The following RUNX2 variants were observed in gnomAD, a reference collection of about 807,000 sequenced individuals.
RUNX2 encodes runt-related transcription factor 2.
A neutral mutation model predicts 51.7 loss-of-function variants in RUNX2; 10 were observed. That is an observed-to-expected ratio of 0.19 (90% CI 0.12 to 0.33). RUNX2 has a LOEUF of 0.33. Ranked by LOEUF, RUNX2 falls within the 10% of genes least tolerant of loss-of-function variation. The pLI is 1.00. For synonymous variants in RUNX2, 276 were observed against 273.6 expected, an observed-to-expected ratio of 1.01 and a Z score of -0.09; for missense variants, 562 against 691.3, an observed-to-expected ratio of 0.81 and a Z score of 2.10.
intron 2 of RUNX2, among the ~76,000 whole-genome samples, chr6:45,374,684 C>A (rs1796527445): frequency 6.6e-6 from 1 of 152,104 alleles, no homozygotes; most frequent in African/African-American, 2.4e-5. Context: ...GTTATTTCAA[C>A]ACAAATACTC....
In RUNX2 at chr6:45,346,086, T is replaced by C. The variant is rs117268147; in HGVS notation, c.58+17302T>C. 1.2e-4 allele frequency among the ~76,000 whole-genome samples: 18 copies of C among 152,268 alleles called. No individual in the cohort carries two copies. In the East Asian group the frequency reaches 3.1e-3, roughly 26 times the overall value. ...TTTTCACTGGCTTTCATCCTCCAAA[T>C]TGAAAACTCTCTGATCCACCTCCAT... On this transcript the variant is annotated intron_variant, in intron 2 of 8. Transcript: ENST00000647337.
At chr6:45,527,345 T>C (rs114467971) in intron 7 of RUNX2, among the ~76,000 whole-genome samples, 2,323 of 152,302 alleles carry the variant, frequency 0.015, 33 homozygotes, top group Non-Finnish European at 0.021. Flanking sequence ...GGTCTTGATA[T>C]ACACTGATTT....
At chr6:45,407,222 G>A (rs1452486313) in intron 2 of RUNX2, among the ~76,000 whole-genome samples, 1 of 151,942 alleles carries the variant, frequency 6.6e-6, no homozygotes, top group East Asian at 1.9e-4. Flanking sequence ...TCCCACCTCA[G>A]CTTCCCAAGT....
intron 5 of RUNX2, among the ~76,000 whole-genome samples, chr6:45,453,629 C>A (rs1156762893): frequency 1.3e-5 from 2 of 152,212 alleles, no homozygotes; most frequent in Non-Finnish European, 2.9e-5. Context: ...AGGCTGGACA[C>A]ATGGCCATGA....
At chr6:45,482,185 A>C (rs1220980483) in intron 5 of RUNX2, among the ~76,000 whole-genome samples, 1 of 152,200 alleles carries the variant, frequency 6.6e-6, no homozygotes, top group Admixed American at 6.5e-5. Flanking sequence ...TGATGCTTTC[A>C]TCCAATCTTT....
At chr6:45,454,300 G>T (rs1799259941) in intron 5 of RUNX2, among the ~76,000 whole-genome samples, 1 of 152,178 alleles carries the variant, frequency 6.6e-6, no homozygotes, top group African/African-American at 2.4e-5. Flanking sequence ...TTATTCTCTT[G>T]TTAGGAAAAC....
At chr6:45,378,062 C>A (rs1308432554) in intron 2 of RUNX2, 2 of 152,112 alleles carry the variant, frequency 1.3e-5, no homozygotes, top group African/African-American at 2.4e-5. Context: ...GCGCGCTTGG[C>A]CAGGTGGCGC....
chr6:45,392,246 T>C (rs1259462176), intron 2 of RUNX2, among the ~76,000 whole-genome samples: 1 of 152,238 alleles, frequency 6.6e-6, no homozygotes, highest in East Asian at 1.9e-4. Flanking sequence ...GGCTCATGCC[T>C]GTAATCCCAG....
At chr6:45,399,113 A>C (rs995782194) in intron 2 of RUNX2, among the ~76,000 whole-genome samples, 2 of 152,078 alleles carry the variant, frequency 1.3e-5, no homozygotes, top group Non-Finnish European at 2.9e-5. Context: ...TATTCACATA[A>C]GTTTCTCTCC....
At position 45,547,096 on chromosome 6, in the gene RUNX2, T is replaced by A; in HGVS notation, c.1357T>A (p.Ser453Thr). The A allele has an allele frequency of 6.2e-7, 1 of 1,614,090 alleles. No homozygotes were observed. Among genetic ancestry groups the A allele is most frequent in the Non-Finnish European group, 8.5e-7 (1 of 1,180,014 alleles). Reference protein sequence around the residue: ...PYLYYGTSSGSYQFPMVPGGD... With the variant: ...PYLYYGTSSGTYQFPMVPGGD... ...TCTCTACTATGGCACTTCGTCAGGA[T>A]CCTATCAGTTTCCCATGGTGCCGGG... Residue 453 changes from serine to threonine, a missense_variant, in exon 9 of 9, where the codon TCC (serine) becomes ACC (threonine). Ser to Thr is a moderately conservative substitution (Grantham distance 58, BLOSUM62 1). Coordinates refer to ENST00000647337, the MANE Select transcript of RUNX2 (RefSeq NM_001024630.4).
At chr6:45,448,866 T>C (rs1377014798) in intron 5 of RUNX2, among the ~76,000 whole-genome samples, 2 of 152,204 alleles carry the variant, frequency 1.3e-5, no homozygotes, top group East Asian at 3.9e-4. Context: ...TTCAAGGAGA[T>C]GATGAAGGTA....
intron 2 of RUNX2, among the ~76,000 whole-genome samples, chr6:45,386,889 A>G (rs899784308): frequency 6.6e-6 from 1 of 152,194 alleles, no homozygotes; most frequent in Non-Finnish European, 1.5e-5. Context: ...TTATCTAATA[A>G]AAGATGGTGA....
chr6:45,421,170 A>C (rs933330647), intron 2 of RUNX2: 1 of 152,216 alleles, frequency 6.6e-6, no homozygotes, highest in Non-Finnish European at 1.5e-5. Context: ...GAATAGACTT[A>C]ATAAAATATT....
At chr6:45,470,049 A>AT (rs1375289098) in intron 5 of RUNX2, among the ~76,000 whole-genome samples, 1 of 152,148 alleles carries the variant, frequency 6.6e-6, no homozygotes, top group Non-Finnish European at 1.5e-5. Context: ...AAAAGTAGAT[A>AT]TTTTTTCTGC....
intron 6 of RUNX2, among the ~76,000 whole-genome samples, chr6:45,511,824 A>G (rs1263757783): frequency 6.6e-6 from 1 of 152,256 alleles, no homozygotes; most frequent in Non-Finnish European, 1.5e-5. Flanking sequence ...TCTTTAACCA[A>G]GTTAATTGTT....
Position 45,438,014 on chromosome 6 carries a change from A to G in RUNX2, c.648A>G (p.Ala216=). ...NPPQVATYHR[A]IKVTVDGPRE... ...CCCAAGTAGCTACCTATCACAGAGC[A>G]ATTAAAGTTACAGTAGATGGACCTC... The change falls in exon 5 of 9, where the codon GCA becomes GCG. Residue 216 remains alanine, a synonymous_variant. Transcript: ENST00000647337. 6.2e-7 allele frequency: 1 copy of G among 1,613,382 alleles called. No individual in the cohort carries two copies. Among genetic ancestry groups the G allele is most frequent in the Admixed American group, 1.7e-5 (1 of 60,018 alleles).
intron 2 of RUNX2, among the ~76,000 whole-genome samples, chr6:45,343,878 A>C (rs1220395557): frequency 1.3e-5 from 2 of 152,172 alleles, no homozygotes; most frequent in Non-Finnish European, 2.9e-5. Flanking sequence ...AACCCATATT[A>C]GAATCTTAGC....
In RUNX2 at chr6:45,328,433, C is replaced by T. The variant is rs1387808391; in HGVS notation, c.-94C>T. On this transcript the variant is annotated 5_prime_UTR_variant, in exon 1 of 9. Transcript: ENST00000647337. ...TTAAATGGTTAATCTCCGCAGGTCA[C>T]TACCAGCCACCGAGACCAACAGAGT... The T allele has an allele frequency of 2.1e-6, 3 of 1,448,884 alleles. No homozygotes were observed. The Admixed American group carries it at 5.5e-5, about 26-fold the overall frequency. 89.8% of individuals were successfully genotyped at this position (1,448,884 alleles called of 1,614,324 possible).
At chr6:45,457,413 T>TCCCTTCCCATCCCATA (rs1318226116) in intron 5 of RUNX2, among the ~76,000 whole-genome samples, 1 of 152,104 alleles carries the variant, frequency 6.6e-6, no homozygotes, top group Non-Finnish European at 1.5e-5. Context: ...ATAGGGTGAC[T>TCCCTTCCCATCCCATA]GGAGAAGGGA....
Sources: gnomAD v4.1 joint callset for allele counts (sites outside exome capture counted in the v4.1 genomes callset) on GRCh38, gnomAD v4.1.1 for gene constraint, MANE v1.5 for transcripts, NCBI Gene and HGNC (gene_info 2026-07-23, HGNC 2026-07-21) for gene names.